The following ATG9A variants were observed in gnomAD, a reference collection of about 807,000 sequenced individuals.
ATG9A encodes autophagy-related protein 9A.
ATG9A carries 21 observed loss-of-function variants against 87.1 expected under a neutral mutation model. The ratio of observed to expected loss-of-function variants is 0.24; its 90% CI spans 0.17 to 0.35. The LOEUF (loss-of-function observed/expected upper bound fraction) is 0.35, where lower values mean the gene tolerates loss of function less well. Among genes scored for constraint, ATG9A ranks in the 10% least tolerant of loss-of-function variants. The probability of loss-of-function intolerance (pLI) is 1.00; values close to 1 mark genes in which losing one functional copy is unlikely to be tolerated. For synonymous variants in ATG9A, 422 were observed against 441.3 expected, an observed-to-expected ratio of 0.96 and a Z score of 0.55; for missense variants, 836 against 1,107.3, an observed-to-expected ratio of 0.76 and a Z score of 3.48.
chr2:219,222,863 C>T lies in ATG9A; in HGVS notation c.1630G>A (p.Val544Met), dbSNP rs1273396792. The T allele has an allele frequency of 6.2e-7, 1 of 1,614,144 alleles. No homozygotes were observed. Among genetic ancestry groups the T allele is most frequent in the Non-Finnish European group, 8.5e-7 (1 of 1,180,042 alleles). The change falls in exon 11 of 16, where the codon GTG (valine) becomes ATG (methionine). Residue 544 changes from valine to methionine, a missense_variant. Physicochemically the swap from Val to Met is conservative, Grantham distance 21. This residue lies in a region of ATG9A where 512 missense variants were observed against 759.6 expected (regional missense o/e 0.67). Transcript: ENST00000361242. This position sits in a 1 kb window ranked among gnomAD's most constrained non-coding sequence, Gnocchi z 4.3. ...TTTCCATCCTCAGCTTGCTGGTACA[C>T]TGAGGCCTCTGTCTGCCCAGCAGAT... ...WLSAGQTEAS[V>M]YQQAEDGKTE... is the part of the protein sequence containing the mutation.
At position 219,229,566 on chromosome 2, in the gene ATG9A, G is replaced by C. The variant is rs1950964485; in HGVS notation, c.-113C>G. On this transcript the variant is annotated 5_prime_UTR_variant, in exon 1 of 16. Transcript: ENST00000361242. The surrounding 1 kb of genome is among the most constrained non-coding windows in gnomAD (Gnocchi z 4.2). Reference sequence around the variant, plus strand: ...AACAGCGACCCGGGTGATTCCAGAGGCTCCGCCGGCTCCGCTCGGCTCGGC... The same window carrying C: ...AACAGCGACCCGGGTGATTCCAGAGCCTCCGCCGGCTCCGCTCGGCTCGGC... 6.5e-6 allele frequency: 1 copy of C among 152,818 alleles called. No homozygotes were observed. The highest frequency in any genetic ancestry group is 3.4e-3 in the Middle Eastern group (1 of 296). The allele number at this position is 152,818 out of a possible 1,614,324, so 9.5% of individuals were successfully genotyped here.
In ATG9A at chr2:219,224,816, G is replaced by A. The variant is rs1477394219; in HGVS notation, c.555C>T (p.Ala185=). The part of the protein sequence containing the change: ...LPYCTWQEVQ[A]RIVQTQKEHQ... ...GCTCCTTCTGCGTCTGCACGATCCG[G>A]GCCTGCACTTCTTGCCACGTGCAAT... Residue 185 remains alanine, a synonymous_variant, in exon 8 of 16, where the codon GCC becomes GCT. Transcript: ENST00000361242. This position sits in a 1 kb window ranked among gnomAD's most constrained non-coding sequence, Gnocchi z 7.7. 6.2e-7 allele frequency: 1 copy of A among 1,614,168 alleles called. No individual in the cohort carries two copies. The highest frequency in any genetic ancestry group is 1.7e-5 in the Admixed American group (1 of 60,024).
Position 219,224,560 on chromosome 2 carries a change from C to A in ATG9A, c.811G>T (p.Ala271Ser). The change falls in exon 8 of 16, where the codon GCC becomes TCC. Residue 271 changes from alanine (A) to serine (S), a missense_variant. Ala to Ser is a moderately conservative substitution (Grantham distance 99). Around this residue, in one of 2 missense-constraint regions of ATG9A, gnomAD observed 512 missense variants for 759.6 expected, o/e 0.67. Coordinates refer to ENST00000361242, the MANE Select transcript of ATG9A (RefSeq NM_001077198.3). The surrounding 1 kb of genome is among the most constrained non-coding windows in gnomAD (Gnocchi z 7.7). ...SLFLNEWSLK[A>S]EYKRGGQRLE... ...CGTTGCCCCCCACGTTTGTACTCGGCCTTGAGGCTCCATTCATTGAGAAAC... is the reference window on the plus strand; with the variant it reads ...CGTTGCCCCCCACGTTTGTACTCGGACTTGAGGCTCCATTCATTGAGAAAC... 3 of 1,614,170 alleles carry A rather than the reference C, an allele frequency of 1.9e-6. No individual in the cohort carries two copies. The highest frequency in any genetic ancestry group is 2.5e-6 in the Non-Finnish European group (3 of 1,180,044).
rs1396961976 is a variant in ATG9A, at chr2:219,220,213, G to A, written c.*234C>T. 3.7e-6 allele frequency: 2 copies of A among 545,498 alleles called. No individual in the cohort carries two copies. The highest frequency in any genetic ancestry group is 6.1e-5 in the Admixed American group (2 of 32,560). 33.8% of individuals were successfully genotyped at this position (545,498 alleles called of 1,614,324 possible). A position where few individuals can be genotyped will look rare whatever the true frequency, so the allele number is the denominator to read the frequency against. ...CTAGCACCACACTCTGAGCCAAGGG[G>A]GTCCTGGGGATGAGGCTAGAGTCCC... On this transcript the variant is annotated 3_prime_UTR_variant, in exon 16 of 16. Coordinates refer to ENST00000361242, the MANE Select transcript of ATG9A (RefSeq NM_001077198.3).
chr2:219,221,853 G>C (rs149730731), intron 13 of ATG9A, among the ~76,000 whole-genome samples, 197 bp downstream of exon 13: 1 of 152,124 alleles, frequency 6.6e-6, no homozygotes, highest in Admixed American at 6.6e-5. Flanking sequence ...ATATCCCAGG[G>C]AACTGGATTC....
Position 219,224,868 on chromosome 2 carries a change from T to TG in ATG9A, c.517-15dup, listed in dbSNP as rs3216709. On this transcript the variant is annotated splice_polypyrimidine_tract_variant and intron_variant, in intron 7 of 15. Coordinates refer to ENST00000361242, the MANE Select transcript of ATG9A (RefSeq NM_001077198.3). This position sits in a 1 kb window ranked among gnomAD's most constrained non-coding sequence, Gnocchi z 7.7. ...CGGAAGGGCAGACTGCGGGGTGGGG[T>TG]GGGGAAGAGACAAGGTACGGAAGGT... 0.86 allele frequency: 1,380,119 copies of TG among 1,609,568 alleles called. 599,649 individuals are homozygous for TG. Among genetic ancestry groups the TG allele is most frequent in the Non-Finnish European group, 0.89 (1,045,218 of 1,177,734 alleles).
chr2:219,227,946 C>T lies in ATG9A; in HGVS notation c.79G>A (p.Val27Met). The T allele has an allele frequency of 6.2e-7, 1 of 1,614,198 alleles. No individual in the cohort carries two copies. The highest frequency in any genetic ancestry group is 2.2e-5 in the East Asian group (1 of 44,878). ...DSPPGEEDLL[V>M]HVAEGSKSPW... ...CACTTGCTCCCCTCGGCGACGTGCACCAACAGGTCCTCCTCCCCTGGGGGT... is the reference window on the plus strand; with the variant it reads ...CACTTGCTCCCCTCGGCGACGTGCATCAACAGGTCCTCCTCCCCTGGGGGT... Residue 27 changes from valine (V) to methionine (M), a missense_variant, in exon 3 of 16, where the codon GTG becomes ATG. Around this residue, in one of 2 missense-constraint regions of ATG9A, gnomAD observed 512 missense variants for 759.6 expected, o/e 0.67. Transcript: ENST00000361242.
At chr2:219,221,354 A>G (rs1304768932) in intron 13 of ATG9A, 52 bp from the exon 14 acceptor site, 1 of 1,464,876 alleles carries the variant, frequency 6.8e-7, no homozygotes, top group Non-Finnish European at 9.1e-7. Context: ...TCCATCTGAA[A>G]CAGCTGCCCT....
In ATG9A at chr2:219,224,881, A is replaced by G; in HGVS notation, c.517-27T>C. 1 of 1,607,334 alleles carries G rather than the reference A, an allele frequency of 6.2e-7. No homozygotes were observed. The highest frequency in any genetic ancestry group is 8.5e-7 in the Non-Finnish European group (1 of 1,176,234). On this transcript the variant is annotated intron_variant, in intron 7 of 15. Coordinates refer to ENST00000361242, the MANE Select transcript of ATG9A (RefSeq NM_001077198.3). The surrounding 1 kb of genome is among the most constrained non-coding windows in gnomAD (Gnocchi z 7.7). ...TGCGGGGTGGGGTGGGGAAGAGACA[A>G]GGTACGGAAGGTGGGGTTGTTGCCT...
rs1264999658 is a variant in ATG9A at position 219,229,545 on chromosome 2, G to C, written c.-92C>G. ...GGTCTCACGTCTTACCTCAGGAACA[G>C]CGACCCGGGTGATTCCAGAGGCTCC... On this transcript the variant is annotated 5_prime_UTR_variant, in exon 1 of 16. Coordinates refer to ENST00000361242, the MANE Select transcript of ATG9A (RefSeq NM_001077198.3). The surrounding 1 kb of genome is among the most constrained non-coding windows in gnomAD (Gnocchi z 4.2). The C allele has an allele frequency of 6.5e-6, 1 of 152,694 alleles. No individual in the cohort carries two copies. The highest frequency in any genetic ancestry group is 1.5e-5 in the Non-Finnish European group (1 of 68,092). 9.5% of individuals were successfully genotyped at this position (152,694 alleles called of 1,614,324 possible). A position where few individuals can be genotyped will look rare whatever the true frequency, so the allele number is the denominator to read the frequency against.
rs200773631 is a variant in ATG9A at position 219,225,177 on chromosome 2, A to G, written c.410T>C (p.Val137Ala). 2.8e-4 allele frequency: 447 copies of G among 1,614,060 alleles called. 1 individual carries two copies. The highest frequency in any genetic ancestry group is 7.5e-5 in the Non-Finnish European group (89 of 1,180,036). Residue 137 changes from valine to alanine, a missense_variant, in exon 7 of 16, where the codon GTC becomes GCC. Coordinates refer to ENST00000361242, the MANE Select transcript of ATG9A (RefSeq NM_001077198.3). Reference protein sequence around the residue: ...QENGSLITILVIAGVFWIHRL... With the variant: ...QENGSLITILAIAGVFWIHRL... ...GTGGATCCAGAAGACACCAGCAATG[A>G]CCAGGATGGTGATAAGGGAGCCATT...
chr2:219,220,579 A>C, intron 15 of ATG9A, 127 bp from the exon 16 acceptor site: 2 of 1,521,184 alleles, frequency 1.3e-6, no homozygotes, highest in South Asian at 2.3e-5. Flanking sequence ...GTAAGGAAAA[A>C]CCAAGCCCTG....
intron 13 of ATG9A, 101 bp downstream of exon 13, chr2:219,221,949 T>C: frequency 2.0e-6 from 2 of 993,432 alleles, no homozygotes; most frequent in Non-Finnish European, 3.0e-6. Context: ...GATATGGGAG[T>C]GGAGGTGGCA....
Position 219,222,978 on chromosome 2 carries a change from C to T in ATG9A, c.1600-85G>A. On this transcript the variant is annotated intron_variant, in intron 10 of 15. Coordinates refer to ENST00000361242, the MANE Select transcript of ATG9A (RefSeq NM_001077198.3). This position sits in a 1 kb window ranked among gnomAD's most constrained non-coding sequence, Gnocchi z 4.3. ...TTCCTGTTAGTGGGGAGGCCTTACC[C>T]TTGGAGAACGGAGACCACAGTATAC... The T allele has an allele frequency of 3.2e-6, 5 of 1,552,944 alleles. No individual in the cohort carries two copies. The highest frequency in any genetic ancestry group is 4.4e-6 in the Non-Finnish European group (5 of 1,147,134).
rs769910981 is a variant in ATG9A, at chr2:219,225,404, C to A, written c.374+7G>T. The A allele has an allele frequency of 2.5e-6, 4 of 1,613,402 alleles. No individual in the cohort carries two copies. Among genetic ancestry groups the A allele is most frequent in the Non-Finnish European group, 3.4e-6 (4 of 1,179,602 alleles). ...GCTATGGTGTCCTCTTGACTTGCAG[C>A]CCTTACCTGGCACTACAGACTTGAG... On this transcript the variant is annotated splice_region_variant and intron_variant, in intron 6 of 15. Coordinates refer to ENST00000361242, the MANE Select transcript of ATG9A (RefSeq NM_001077198.3).
chr2:219,226,291 AGAGC>A (rs1559246763), intron 5 of ATG9A, among the ~76,000 whole-genome samples: 13 of 152,044 alleles, frequency 8.6e-5, no homozygotes, highest in African/African-American at 2.9e-4. Flanking sequence ...TTGTATTTTT[AGAGC>A]CTCCTAAAGT....
chr2:219,225,904 G>A (rs1950850920), intron 5 of ATG9A, among the ~76,000 whole-genome samples: 2 of 152,252 alleles, frequency 1.3e-5, no homozygotes, highest in Admixed American at 6.5e-5. Flanking sequence ...GCCCTTGGGG[G>A]AGTTTTCTGA....
In ATG9A at chr2:219,228,859, C is replaced by T. The variant is rs189755781; in HGVS notation, c.-81-374G>A. ...TGAAGAGGACCTTTCTGGTCAACCCCTTCTCTTACTTCCCTAGCACCAAAG... is the reference window on the plus strand; with the variant it reads ...TGAAGAGGACCTTTCTGGTCAACCCTTTCTCTTACTTCCCTAGCACCAAAG... On this transcript the variant is annotated intron_variant, in intron 1 of 15. Transcript: ENST00000361242. Among the ~76,000 whole-genome samples the T allele has an allele frequency of 5.9e-5, 9 of 152,362 alleles. No homozygotes were observed. In the East Asian group the frequency reaches 1.7e-3, roughly 29 times the overall value.
chr2:219,227,878 T>C, intron 3 of ATG9A, 44 bp downstream of exon 3: 1 of 1,613,182 alleles, frequency 6.2e-7, no homozygotes, highest in African/African-American at 1.3e-5. Context: ...CTCTCCATGT[T>C]CTTCCATCAA....
Sources: allele counts gnomAD v4.1 joint callset (sites outside exome capture counted in the v4.1 genomes callset), GRCh38; gene constraint gnomAD v4.1.1; regional missense constraint gnomAD v4.1.1; non-coding constraint Gnocchi (gnomAD v3.1); transcripts MANE v1.5; gene names NCBI Gene and HGNC (gene_info 2026-07-23, HGNC 2026-07-21).